The following SORT1 variants were observed in gnomAD, a reference collection of about 807,000 sequenced individuals.
The protein encoded by SORT1 is sortilin.
Under a neutral mutation model 101.7 loss-of-function variants are expected in SORT1, and 39 were observed. That is an observed-to-expected ratio of 0.38 (90% CI 0.30 to 0.50). SORT1 has a LOEUF of 0.50. Among genes scored for constraint, SORT1 ranks in the 20% least tolerant of loss-of-function variants. The pLI, the probability that SORT1 is intolerant of heterozygous loss-of-function variation, is 0.90. For missense variants in SORT1, 878 were observed against 1,040.4 expected (o/e 0.84, Z 2.15); for synonymous variants, 396 against 393.7 (o/e 1.01, Z -0.07).
intron 11 of SORT1, 101 bp downstream of exon 11, chr1:109,336,139 G>T: frequency 2.8e-6 from 2 of 710,010 alleles, no homozygotes; most frequent in Non-Finnish European, 5.0e-6. Flanking sequence ...CTTATGCTGA[G>T]GACCCTAATC....
chr1:109,325,210 AT>A (rs1647909529), intron 13 of SORT1, 121 bp from the exon 14 acceptor site: 7 of 375,912 alleles, frequency 1.9e-5, no homozygotes, highest in Middle Eastern at 6.8e-4. Flanking sequence ...GTGGTGGCTT[AT>A]TGGCTGACAA....
At chr1:109,331,015 A>T (rs1007107228) in intron 11 of SORT1, among the ~76,000 whole-genome samples, 2 of 152,200 alleles carry the variant, frequency 1.3e-5, no homozygotes, top group Non-Finnish European at 2.9e-5. Context: ...TGATGGATTC[A>T]ATGGTGAATT....
intron 1 of SORT1, among the ~76,000 whole-genome samples, chr1:109,384,789 T>C (rs1176198607): frequency 6.6e-5 from 10 of 151,906 alleles, no homozygotes; most frequent in African/African-American, 1.2e-4. Flanking sequence ...AGAAAAGAAA[T>C]AGGACCAGGC....
intron 3 of SORT1, among the ~76,000 whole-genome samples, chr1:109,365,819 A>C (rs1651044931): frequency 6.6e-6 from 1 of 152,210 alleles, no homozygotes; most frequent in Non-Finnish European, 1.5e-5. Context: ...TCTGGGACCA[A>C]CATCAATGTA....
intron 1 of SORT1, among the ~76,000 whole-genome samples, chr1:109,389,587 T>G (rs1652782074): frequency 6.6e-6 from 1 of 152,170 alleles, no homozygotes; most frequent in Non-Finnish European, 1.5e-5. Context: ...ATTAAGCACA[T>G]TATCAGCAAG....
At chr1:109,344,811 C>G (rs1316084775) in intron 8 of SORT1, among the ~76,000 whole-genome samples, 1 of 152,134 alleles carries the variant, frequency 6.6e-6, no homozygotes, top group Non-Finnish European at 1.5e-5. Context: ...ATCCTCCCAC[C>G]TCAGCCTCCC....
intron 14 of SORT1, 34 bp downstream of exon 14, chr1:109,324,865 G>A (rs1321640427): frequency 8.4e-6 from 12 of 1,433,710 alleles, no homozygotes; most frequent in Non-Finnish European, 1.1e-5. Flanking sequence ...GGACTTGGAA[G>A]TTTCTGGTAG....
chr1:109,380,018 G>A (rs1026420957), intron 1 of SORT1, among the ~76,000 whole-genome samples: 1 of 152,200 alleles, frequency 6.6e-6, no homozygotes, highest in South Asian at 2.1e-4. Flanking sequence ...GCTCACCCCT[G>A]TAATCCTAGC....
At chr1:109,343,238 G>A (rs1452002475) in intron 8 of SORT1, among the ~76,000 whole-genome samples, 1 of 152,196 alleles carries the variant, frequency 6.6e-6, no homozygotes, top group Non-Finnish European at 1.5e-5. Context: ...AGAGTTATCT[G>A]TATTTACTGC....
In SORT1 at chr1:109,311,069, G is replaced by C. The variant is rs998711121; in HGVS notation, c.*2974C>G. On this transcript the variant is annotated 3_prime_UTR_variant, in exon 20 of 20. Transcript: ENST00000256637. ...TCCTGAGCCCGCCCCCAGAACTGCC[G>C]CAACTCTCCAAAGGCTTTTATTCTT... is the stretch of plus-strand genomic sequence containing the variant. 6.6e-6 allele frequency: 1 copy of C among 152,154 alleles called. No homozygotes were observed. The highest frequency in any genetic ancestry group is 6.5e-5 in the Admixed American group (1 of 15,276). 9.4% of individuals were successfully genotyped at this position (152,154 alleles called of 1,614,324 possible).
At chr1:109,394,530 A>G (rs1222381419) in intron 1 of SORT1, among the ~76,000 whole-genome samples, 2 of 152,212 alleles carry the variant, frequency 1.3e-5, no homozygotes, top group Non-Finnish European at 2.9e-5. Flanking sequence ...CGGTCTCCTT[A>G]AACCGTAATA....
At chr1:109,327,270 C>A (rs1648140377) in intron 12 of SORT1, 110 bp from the exon 13 acceptor site, 1 of 1,033,326 alleles carries the variant, frequency 9.7e-7, no homozygotes, top group Non-Finnish European at 1.4e-6. Flanking sequence ...TCCCATCAAG[C>A]CTCTTTTAGT....
intron 1 of SORT1, among the ~76,000 whole-genome samples, chr1:109,384,166 A>G (rs1482700237): frequency 1.3e-5 from 2 of 152,242 alleles, no homozygotes; most frequent in Non-Finnish European, 2.9e-5. Flanking sequence ...GAGGGGCAAC[A>G]GCAACCTCCA....
At chr1:109,328,602 T>C (rs1323217161) in intron 11 of SORT1, among the ~76,000 whole-genome samples, 1 of 152,236 alleles carries the variant, frequency 6.6e-6, no homozygotes, top group African/African-American at 2.4e-5. Flanking sequence ...TGTAGCTCAG[T>C]GGCATACTCT....
At chr1:109,338,364 A>G (rs112712610) in intron 10 of SORT1, among the ~76,000 whole-genome samples, 1 of 152,204 alleles carries the variant, frequency 6.6e-6, no homozygotes, top group Non-Finnish European at 1.5e-5. Context: ...ACCGGGAGCC[A>G]TATCTCCAGG....
At chr1:109,323,224 T>G in intron 14 of SORT1, 103 bp from the exon 15 acceptor site, 1 of 771,360 alleles carries the variant, frequency 1.3e-6, no homozygotes, top group Non-Finnish European at 2.2e-6. Context: ...AAAGTGGGAA[T>G]GTCTGACTCA....
intron 11 of SORT1, among the ~76,000 whole-genome samples, chr1:109,334,893 A>G (rs1303460117): frequency 6.6e-6 from 1 of 152,210 alleles, no homozygotes; most frequent in African/African-American, 2.4e-5. Context: ...CACTCTAAAA[A>G]GGGTTCAAAA....
rs1570892937 is a variant in SORT1, at chr1:109,323,132, G to C, written c.1835-11C>G. 1 of 1,609,578 alleles carries C rather than the reference G, an allele frequency of 6.2e-7. No homozygotes were observed. Among genetic ancestry groups the C allele is most frequent in the Non-Finnish European group, 8.5e-7 (1 of 1,175,984 alleles). ...AGTCCTTCTCTTCACCTAAAGGAGA[G>C]ACACACTGTTCAGGAAAGTACACAG... On this transcript the variant is annotated splice_polypyrimidine_tract_variant and intron_variant, in intron 14 of 19. Transcript: ENST00000256637.
intron 3 of SORT1, among the ~76,000 whole-genome samples, chr1:109,363,441 G>A (rs1056047109): frequency 1.3e-5 from 2 of 152,068 alleles, no homozygotes; most frequent in Non-Finnish European, 2.9e-5. Flanking sequence ...ATATGCATAT[G>A]TGTGTGTATG....
Sources: gnomAD v4.1 joint callset for allele counts (sites outside exome capture counted in the v4.1 genomes callset) on GRCh38, gnomAD v4.1.1 for gene constraint, MANE v1.5 for transcripts, NCBI Gene and HGNC (gene_info 2026-07-23, HGNC 2026-07-21) for gene names.